ZFHX3: variants seen among roughly 807,000 people sequenced by gnomAD.
ZFHX3 encodes zinc finger homeobox 3.
ZFHX3 carries 42 observed loss-of-function variants against 279.1 expected under a neutral mutation model. The observed-to-expected ratio is 0.15, with a 90% CI of 0.12 to 0.19. The LOEUF (loss-of-function observed/expected upper bound fraction) is 0.19. Ranked by LOEUF, ZFHX3 falls within the 10% of genes least tolerant of loss-of-function variation. The pLI is 1.00. For missense variants in ZFHX3, 4,981 were observed against 4,754.0 expected (o/e 1.05, Z -1.40); for synonymous variants, 2,293 against 1,957.8 (o/e 1.17, Z -4.52).
chr16:73,667,728 CTG>C (rs1299486911), intron 2 of ZFHX3, among the ~76,000 whole-genome samples: 1 of 152,200 alleles, frequency 6.6e-6, no homozygotes, highest in Non-Finnish European at 1.5e-5. Flanking sequence ...ATAATATAGA[CTG>C]AACCAACACA....
At chr16:73,728,607 A>G (rs1260384447) in intron 1 of ZFHX3, among the ~76,000 whole-genome samples, 4 of 152,094 alleles carry the variant, frequency 2.6e-5, no homozygotes, top group South Asian at 2.1e-4. Context: ...ATGTTGTTCA[A>G]TTCTTCAACA....
In ZFHX3 at chr16:73,337,895, G is replaced by C. The variant is rs918518275; in HGVS notation, c.-1290-19559C>G. Reference sequence around the variant, plus strand: ...ATAAGTCTTCATCTTCCCTTGGCGGGGGGGGGGGTCCTCATCCCCTTTTTA... The same window carrying C: ...ATAAGTCTTCATCTTCCCTTGGCGGCGGGGGGGGTCCTCATCCCCTTTTTA... On this transcript the variant is annotated intron_variant, in intron 3 of 17. Transcript: ENST00000641206. 5.5e-5 allele frequency among the ~76,000 whole-genome samples: 8 copies of C among 144,932 alleles called. 1 individual carries two copies. The East Asian group carries it at 6.0e-4, about 11-fold the overall frequency.
intron 3 of ZFHX3, among the ~76,000 whole-genome samples, chr16:73,442,821 G>C (rs548182238): frequency 1.1e-4 from 16 of 152,094 alleles, no homozygotes; most frequent in Non-Finnish European, 1.9e-4. Context: ...TGGGTGTTTG[G>C]GAAATTCTTG....
At chr16:73,664,205 A>G (rs1321768219) in intron 2 of ZFHX3, among the ~76,000 whole-genome samples, 1 of 150,008 alleles carries the variant, frequency 6.7e-6, no homozygotes, top group Non-Finnish European at 1.5e-5. Context: ...GCCAAACAGT[A>G]TTGCTGACCT....
At chr16:73,135,378 T>C (rs1344382355) in intron 6 of ZFHX3, among the ~76,000 whole-genome samples, 1 of 152,174 alleles carries the variant, frequency 6.6e-6, no homozygotes, top group African/African-American at 2.4e-5. Context: ...TTCCAGGACA[T>C]TGGATAGAAT....
intron 3 of ZFHX3, among the ~76,000 whole-genome samples, chr16:73,446,832 A>T (rs1297768229): frequency 6.6e-6 from 1 of 152,106 alleles, no homozygotes; most frequent in African/African-American, 2.4e-5. Flanking sequence ...ACAAACCCCC[A>T]TGACACAAGT....
chr16:73,631,882 G>GGGT (rs955282579), intron 2 of ZFHX3, among the ~76,000 whole-genome samples: 2 of 149,684 alleles, frequency 1.3e-5, no homozygotes, highest in African/African-American at 4.9e-5. Context: ...ACTCCAGCCT[G>GGGT]GGTGATAGAG....
intron 2 of ZFHX3, among the ~76,000 whole-genome samples, chr16:73,565,443 T>C (rs1567520461): frequency 1.3e-5 from 2 of 152,038 alleles, no homozygotes; most frequent in Non-Finnish European, 1.5e-5. Flanking sequence ...AACTCAAGAG[T>C]AGTAACTTGG....
chr16:73,292,429 A>G (rs2014795857), intron 4 of ZFHX3, among the ~76,000 whole-genome samples: 1 of 152,196 alleles, frequency 6.6e-6, no homozygotes, highest in Admixed American at 6.5e-5. Flanking sequence ...TCCAGCCCAA[A>G]TCTAGAACCC....
chr16:73,770,944 T>G (rs577094233), intron 1 of ZFHX3, among the ~76,000 whole-genome samples: 2 of 152,264 alleles, frequency 1.3e-5, no homozygotes, highest in Middle Eastern at 3.4e-3. Context: ...GGTAAGACAT[T>G]GTCATGAAGA....
At chr16:73,044,998 A>G (rs947069537) in intron 1 of ZFHX3, among the ~76,000 whole-genome samples, 1 of 152,184 alleles carries the variant, frequency 6.6e-6, no homozygotes, top group African/African-American at 2.4e-5. Flanking sequence ...CTTTTACAAA[A>G]TGTTGCTTAG....
At chr16:72,894,052 G>A (rs571891198) in intron 3 of ZFHX3, among the ~76,000 whole-genome samples, 28 of 151,690 alleles carry the variant, frequency 1.8e-4, no homozygotes, top group Non-Finnish European at 3.5e-4. Context: ...GGGAGGCTGA[G>A]GCAGGAAAAT....
At chr16:72,792,001 G>C (rs1483659277) in intron 9 of ZFHX3, among the ~76,000 whole-genome samples, 1 of 152,174 alleles carries the variant, frequency 6.6e-6, no homozygotes, top group Non-Finnish European at 1.5e-5. Context: ...CATTAGGAGG[G>C]GTTCTCCTTT....
chr16:72,974,000 T>C (rs1377094498), intron 1 of ZFHX3, among the ~76,000 whole-genome samples: 2 of 152,220 alleles, frequency 1.3e-5, no homozygotes, highest in Non-Finnish European at 2.9e-5. Context: ...AAGATGAGTC[T>C]ACTATGGTTC....
At chr16:73,149,989 C>G in intron 5 of ZFHX3, among the ~76,000 whole-genome samples, 1 of 152,012 alleles carries the variant, frequency 6.6e-6, no homozygotes, top group East Asian at 1.9e-4. Flanking sequence ...ATTTGTTATC[C>G]CTAAGTTTTC....
chr16:73,507,950 A>G (rs796613655), intron 2 of ZFHX3, among the ~76,000 whole-genome samples: 9 of 152,320 alleles, frequency 5.9e-5, no homozygotes, highest in African/African-American at 2.2e-4. Context: ...AAGATGCTTA[A>G]CAAATGTTAG....
chr16:73,762,907 T>C (rs2053887134), intron 1 of ZFHX3, among the ~76,000 whole-genome samples: 1 of 152,100 alleles, frequency 6.6e-6, no homozygotes, highest in African/African-American at 2.4e-5. Flanking sequence ...GGTTGATAGG[T>C]GCAGCAAATC....
At chr16:72,913,677 C>T (rs544691737) in intron 3 of ZFHX3, among the ~76,000 whole-genome samples, 9 of 152,272 alleles carry the variant, frequency 5.9e-5, no homozygotes, top group Admixed American at 2.0e-4. Context: ...CCAGCCCACA[C>T]TTAAGGGCAG....
At chr16:72,881,385 G>GAA (rs71156127) in intron 4 of ZFHX3, among the ~76,000 whole-genome samples, 2 of 151,740 alleles carry the variant, frequency 1.3e-5, no homozygotes, top group Admixed American at 6.6e-5. Flanking sequence ...GTCAATGTTT[G>GAA]AAAAAAATAA....
Sources: allele counts gnomAD v4.1 joint callset (sites outside exome capture counted in the v4.1 genomes callset), GRCh38; gene constraint gnomAD v4.1.1; transcripts MANE v1.5; gene names NCBI Gene and HGNC (gene_info 2026-07-23, HGNC 2026-07-21).